CEL: variants seen among roughly 807,000 people sequenced by gnomAD.
The protein encoded by CEL is carboxyl ester lipase.
Under a neutral mutation model 57.1 loss-of-function variants are expected in CEL, and 39 were observed. That is an observed-to-expected ratio of 0.68 (90% confidence interval 0.53 to 0.89). CEL has a LOEUF of 0.89. Ranked by LOEUF, CEL falls within the 40% of genes least tolerant of loss-of-function variation. CEL has a pLI of 0.00. For synonymous variants in CEL, 314 were observed against 396.6 expected (o/e 0.79, Z 2.48); for missense variants, 698 against 915.0 (o/e 0.76, Z 3.06).
chr9:133,070,842 C>T (rs1326391067), intron 10 of CEL, 145 bp from the exon 11 acceptor site: 2 of 1,231,268 alleles, frequency 1.6e-6, no homozygotes, highest in African/African-American at 3.0e-5. Context: ...CATGCACGTG[C>T]ACAGCCAGTG....
At position 133,066,764 on chromosome 9, in the gene CEL, G is replaced by C. The variant is rs921019791; in HGVS notation, c.670-74G>C. ...AGCGTGGAGCTGGGGCTGTGGTGCT[G>C]GGGTGTCCTTGTCCCAGCGTGGGGT... On this transcript the variant is annotated intron_variant, in intron 5 of 10. Coordinates refer to ENST00000372080, the MANE Select transcript of CEL (RefSeq NM_001807.6). This position sits in a 1 kb window ranked among gnomAD's most constrained non-coding sequence, Gnocchi z 4.3. 2.5e-5 allele frequency: 40 copies of C among 1,608,296 alleles called. No individual in the cohort carries two copies. The African/African-American group carries it at 5.4e-4, about 22-fold the overall frequency.
Position 133,069,139 on chromosome 9 carries a change from A to AGTCCTGGGATGG in CEL, c.1174_1175insATGGGTCCTGGG (p.Trp391_Ala392insAspGlySerTrp). 2.0e-6 allele frequency: 2 copies of AGTCCTGGGATGG among 1,001,468 alleles called. No individual in the cohort carries two copies. Among genetic ancestry groups the AGTCCTGGGATGG allele is most frequent in the Non-Finnish European group, 1.5e-6 (1 of 658,868 alleles). 62.0% of individuals were successfully genotyped at this position (1,001,468 alleles called of 1,614,324 possible). ...AAGACGACCTTTGATGTCTACACCGAGTCCTGGGCCCAGGACCCATCCCAG... is the reference window on the plus strand; with the variant it reads ...AAGACGACCTTTGATGTCTACACCGAGTCCTGGGATGGGTCCTGGGCCCAGGACCCATCCCAG... On this transcript the variant is annotated inframe_insertion, in exon 9 of 11. Coordinates refer to ENST00000372080, the MANE Select transcript of CEL (RefSeq NM_001807.6).
At chr9:133,069,971 G>A (rs1301154946) in intron 9 of CEL, among the ~76,000 whole-genome samples, 1 of 151,880 alleles carries the variant, frequency 6.6e-6, no homozygotes, top group African/African-American at 2.4e-5. Flanking sequence ...ACTGTGTCTC[G>A]AATAAATAAG....
chr9:133,070,951 T>C (rs1464524290), intron 10 of CEL, 36 bp from the exon 11 acceptor site: 1 of 1,609,118 alleles, frequency 6.2e-7, no homozygotes, highest in South Asian at 1.1e-5. Flanking sequence ...CCCCTGGGAG[T>C]CCCCAGCCCC....
chr9:133,065,352 G>A (rs753672712), intron 4 of CEL, 115 bp downstream of exon 4: 20 of 1,193,364 alleles, frequency 1.7e-5, no homozygotes, highest in Non-Finnish European at 2.2e-5. Context: ...AGAAAGACCC[G>A]GAAGCTGGAG....
At chr9:133,070,265 T>C (rs1198506016) in intron 9 of CEL, among the ~76,000 whole-genome samples, 196 bp from the exon 10 acceptor site, 1 of 147,784 alleles carries the variant, frequency 6.8e-6, no homozygotes, top group Non-Finnish European at 1.5e-5. Flanking sequence ...TAAATTCAGC[T>C]GAAATTGTGG....
At position 133,066,705 on chromosome 9, in the gene CEL, G is replaced by A. The variant is rs1036803694; in HGVS notation, c.669+45G>A. On this transcript the variant is annotated intron_variant, in intron 5 of 10. Transcript: ENST00000372080. The surrounding 1 kb of genome is among the most constrained non-coding windows in gnomAD (Gnocchi z 4.3). Reference sequence around the variant, plus strand: ...GAGGGCCTGCCCCACAGGTTGAGAGGAAGCTCAAACGGGAAGGGGAGGGTG... The same window carrying A: ...GAGGGCCTGCCCCACAGGTTGAGAGAAAGCTCAAACGGGAAGGGGAGGGTG... 24 of 1,601,800 alleles carry A rather than the reference G, an allele frequency of 1.5e-5. No homozygotes were observed. The highest frequency in any genetic ancestry group is 2.0e-5 in the Non-Finnish European group (23 of 1,170,344).
intron 1 of CEL, among the ~76,000 whole-genome samples, chr9:133,063,264 C>G (rs911317767): frequency 3.9e-5 from 6 of 152,206 alleles, no homozygotes; most frequent in Non-Finnish European, 7.3e-5. Flanking sequence ...ACGACCCCTC[C>G]CCATTTCCCC....
chr9:133,066,210 G>GC lies in CEL; in HGVS notation c.539-315dup, dbSNP rs1044790931. Reference sequence around the variant, plus strand: ...AGAGGTGCATGGGCCTGACCATCCTGCCCCCGACAAACACCACCCCCTCCA... The same window carrying GC: ...AGAGGTGCATGGGCCTGACCATCCTGCCCCCCGACAAACACCACCCCCTCCA... On this transcript the variant is annotated intron_variant, in intron 4 of 10. Transcript: ENST00000372080. This position sits in a 1 kb window ranked among gnomAD's most constrained non-coding sequence, Gnocchi z 4.3. Among the ~76,000 whole-genome samples, 11 of 152,006 alleles carry GC rather than the reference G, an allele frequency of 7.2e-5. No individual in the cohort carries two copies. Among genetic ancestry groups the GC allele is most frequent in the Admixed American group, 3.9e-4 (6 of 15,268 alleles).
rs1564211493 is a variant in CEL, at chr9:133,066,559, GC to G, written c.570del (p.Ile191LeufsTer4). 1 of 1,613,996 alleles carries G rather than the reference GC, an allele frequency of 6.2e-7. No homozygotes were observed. Among genetic ancestry groups the G allele is most frequent in the Non-Finnish European group, 8.5e-7 (1 of 1,180,006 alleles). On this transcript the variant is annotated frameshift_variant, in exon 5 of 11. Coordinates refer to ENST00000372080, the MANE Select transcript of CEL (RefSeq NM_001807.6). LOFTEE classifies it high-confidence loss of function. This position sits in a 1 kb window ranked among gnomAD's most constrained non-coding sequence, Gnocchi z 4.3. ...CTATGGCCTTCGGGATCAGCACATG[GC>G]CATTGCTTGGGTGAAGAGGAATATC... The part of the protein sequence containing the change: ...GNYGLRDQHM[A>X]IAWVKRNIAA...
chr9:133,070,838 C>G, intron 10 of CEL, 149 bp from the exon 11 acceptor site: 1 of 1,224,708 alleles, frequency 8.2e-7, no homozygotes, highest in Admixed American at 2.0e-5. Flanking sequence ...AGCCCATGCA[C>G]GTGCACAGCC....
chr9:133,066,882 C>T lies in CEL; in HGVS notation c.714C>T (p.Ser238=). 1 of 1,613,660 alleles carries T rather than the reference C, an allele frequency of 6.2e-7. No individual in the cohort carries two copies. The highest frequency in any genetic ancestry group is 8.5e-7 in the Non-Finnish European group (1 of 1,179,900). The change falls in exon 6 of 11, where the codon AGC becomes AGT. Residue 238 remains serine, a synonymous_variant. Transcript: ENST00000372080. The surrounding 1 kb of genome is among the most constrained non-coding windows in gnomAD (Gnocchi z 4.3). ...AGGGCCTCATCCGGCGAGCCATCAG[C>T]CAGAGCGGCGTGGCCCTGAGTCCCT... ...YNKGLIRRAI[S]QSGVALSPWV...
At chr9:133,070,806 G>A in intron 10 of CEL, 148 bp downstream of exon 10, 1 of 1,251,754 alleles carries the variant, frequency 8.0e-7, no homozygotes, top group Non-Finnish European at 1.1e-6. Context: ...GTTTGAGGAT[G>A]AGAGTTACTG....
Position 133,071,673 on chromosome 9 carries a change from C to G in CEL, c.2171C>G (p.Pro724Arg), listed in dbSNP as rs539596679. 6.3e-7 allele frequency: 1 copy of G among 1,591,490 alleles called. No homozygotes were observed. The highest frequency in any genetic ancestry group is 8.6e-7 in the Non-Finnish European group (1 of 1,164,192). The change falls in exon 11 of 11, where the codon CCT (proline) becomes CGT (arginine). Residue 724 changes from proline (P) to arginine (R), a missense_variant. Pro to Arg is a moderately radical substitution (Grantham distance 103, BLOSUM62 -2). This residue lies in a region of CEL where 238 missense variants were observed against 213.7 expected (regional missense o/e 1.11). Coordinates refer to ENST00000372080, the MANE Select transcript of CEL (RefSeq NM_001807.6). ...VPPTGDSGAP[P>R]VPPTGDSEAA... Reference sequence around the variant, plus strand: ...CCCACGGGTGACTCCGGGGCCCCCCCTGTGCCCCCCACGGGTGACTCTGAG... The same window carrying G: ...CCCACGGGTGACTCCGGGGCCCCCCGTGTGCCCCCCACGGGTGACTCTGAG...
chr9:133,068,475 G>A (rs1194545716), intron 7 of CEL, among the ~76,000 whole-genome samples, 197 bp from the exon 8 acceptor site: 4 of 151,784 alleles, frequency 2.6e-5, no homozygotes, highest in Admixed American at 2.6e-4. Context: ...CTGGCACCTC[G>A]TGGGTCGAGG....
At chr9:133,064,341 C>G in intron 1 of CEL, 63 bp from the exon 2 acceptor site, 1 of 1,606,202 alleles carries the variant, frequency 6.2e-7, no homozygotes, top group South Asian at 1.1e-5. Context: ...CTTGCCTTGC[C>G]CCCTCCGGAT....
rs542088721 is a variant in CEL at position 133,065,967 on chromosome 9, G to A, written c.539-563G>A. ...CAGGGGTTCAAAGCTGCAGTGAGCCGTGGTCGTGCCACTGCACTCCAGCCT... is the reference window on the plus strand; with the variant it reads ...CAGGGGTTCAAAGCTGCAGTGAGCCATGGTCGTGCCACTGCACTCCAGCCT... On this transcript the variant is annotated intron_variant, in intron 4 of 10. Coordinates refer to ENST00000372080, the MANE Select transcript of CEL (RefSeq NM_001807.6). Among the ~76,000 whole-genome samples, 7 of 152,194 alleles carry A rather than the reference G, an allele frequency of 4.6e-5. No individual in the cohort carries two copies. The East Asian group carries it at 1.2e-3, about 25-fold the overall frequency.
Position 133,064,695 on chromosome 9 carries a change from G to T in CEL, c.273G>T (p.Gln91His). The change falls in exon 3 of 11, where the codon CAG becomes CAT. Residue 91 changes from glutamine to histidine, a missense_variant. Coordinates refer to ENST00000372080, the MANE Select transcript of CEL (RefSeq NM_001807.6). ...KKRCLQATIT[Q>H]DSTYGDEDCL... ...GATGCCTGCAGGCCACCATCACCCAGGACAGCACCTACGGGGATGAAGACT... is the reference window on the plus strand; with the variant it reads ...GATGCCTGCAGGCCACCATCACCCATGACAGCACCTACGGGGATGAAGACT... 1.2e-6 allele frequency: 2 copies of T among 1,614,154 alleles called. No individual in the cohort carries two copies. The highest frequency in any genetic ancestry group is 1.7e-6 in the Non-Finnish European group (2 of 1,180,034).
At chr9:133,067,051 G>T (rs777587552) in intron 6 of CEL, 37 bp from the exon 7 acceptor site, 9 of 1,611,412 alleles carry the variant, frequency 5.6e-6, no homozygotes, top group Non-Finnish European at 7.6e-6. Flanking sequence ...CCTGAGCTCC[G>T]GCCTCACCTA....
Sources: gnomAD v4.1 joint callset for allele counts (sites outside exome capture counted in the v4.1 genomes callset) on GRCh38, gnomAD v4.1.1 for gene constraint, gnomAD v4.1.1 regional missense constraint, Gnocchi (gnomAD v3.1) non-coding constraint, MANE v1.5 for transcripts, NCBI Gene and HGNC (gene_info 2026-07-23, HGNC 2026-07-21) for gene names.